Variants in PTGER3 observed in about 807,000 individuals in gnomAD.
PTGER3 encodes prostaglandin E receptor 3, also known as prostaglandin E2 receptor EP3 subtype.
PTGER3 carries 22 observed loss-of-function variants against 34.7 expected under a neutral mutation model. That is an observed-to-expected ratio of 0.63 (90% CI 0.45 to 0.91). The LOEUF is 0.91. PTGER3 is among the 40% of genes least tolerant of loss of function. PTGER3 has a pLI of 0.00. For synonymous variants in PTGER3, 241 were observed against 230.1 expected, an observed-to-expected ratio of 1.05 and a Z score of -0.43; for missense variants, 468 against 519.4, an observed-to-expected ratio of 0.90 and a Z score of 0.96.
At chr1:70,888,096 C>T (rs1175605324) in intron 4 of PTGER3, among the ~76,000 whole-genome samples, 3 of 152,172 alleles carry the variant, frequency 2.0e-5, no homozygotes, top group Non-Finnish European at 4.4e-5. Context: ...AGCAAGCTTT[C>T]TCCTGGCTTT....
intron 1 of PTGER3, among the ~76,000 whole-genome samples, chr1:71,019,297 T>C (rs1658191942): frequency 6.6e-6 from 1 of 152,190 alleles, no homozygotes; most frequent in Non-Finnish European, 1.5e-5. Context: ...ACATATACCC[T>C]GCACTATTTC....
intron 3 of PTGER3, 107 bp downstream of exon 3, chr1:70,974,190 T>C (rs1391057540): frequency 2.1e-6 from 3 of 1,438,786 alleles, no homozygotes; most frequent in Non-Finnish European, 2.8e-6. Flanking sequence ...ATGTTTAATT[T>C]GCATTTTAAT....
intron 1 of PTGER3, among the ~76,000 whole-genome samples, chr1:71,021,255 G>A (rs753454538): frequency 6.6e-5 from 10 of 152,124 alleles, no homozygotes; most frequent in East Asian, 1.9e-4. Context: ...CCAGCAGCCC[G>A]CTACCACATT....
At chr1:70,871,156 G>C (rs1311328656) in intron 4 of PTGER3, among the ~76,000 whole-genome samples, 2 of 152,130 alleles carry the variant, frequency 1.3e-5, no homozygotes, top group African/African-American at 2.4e-5. Context: ...CATGGTTCTG[G>C]CATCTGTTTG....
chr1:70,883,642 G>T (rs528352496), intron 4 of PTGER3, among the ~76,000 whole-genome samples: 2 of 152,228 alleles, frequency 1.3e-5, no homozygotes, highest in South Asian at 4.1e-4. Context: ...ATTATAAAAC[G>T]TCCAATTTTC....
At chr1:70,939,782 C>T (rs967941855) in intron 4 of PTGER3, among the ~76,000 whole-genome samples, 1 of 152,154 alleles carries the variant, frequency 6.6e-6, no homozygotes, top group African/African-American at 2.4e-5. Context: ...GGACTGTGGG[C>T]CCAGCTGATG....
chr1:70,900,642 A>T (rs138411354), intron 4 of PTGER3, among the ~76,000 whole-genome samples: 1 of 152,182 alleles, frequency 6.6e-6, no homozygotes, highest in Non-Finnish European at 1.5e-5. Context: ...AATGTAATGT[A>T]TGCAGCTTGG....
At chr1:70,934,949 T>A (rs1411635888) in intron 4 of PTGER3, among the ~76,000 whole-genome samples, 2 of 152,296 alleles carry the variant, frequency 1.3e-5, no homozygotes, top group Non-Finnish European at 2.9e-5. Context: ...TTCTAAACTT[T>A]CCCTTTTGGC....
At chr1:71,033,234 G>A (rs1432431989) in intron 1 of PTGER3, among the ~76,000 whole-genome samples, 1 of 152,146 alleles carries the variant, frequency 6.6e-6, no homozygotes, top group Non-Finnish European at 1.5e-5. Flanking sequence ...TCATAGGACA[G>A]GGATTAGAGA....
chr1:70,882,804 G>A (rs886323005), intron 4 of PTGER3, among the ~76,000 whole-genome samples: 8 of 152,126 alleles, frequency 5.3e-5, no homozygotes, highest in African/African-American at 1.9e-4. Flanking sequence ...TTCACACTAA[G>A]CCAAGATAGG....
At chr1:71,040,996 G>A (rs1163537291) in intron 1 of PTGER3, among the ~76,000 whole-genome samples, 1 of 152,162 alleles carries the variant, frequency 6.6e-6, no homozygotes, top group African/African-American at 2.4e-5. Context: ...AGAGAGCAGG[G>A]TGCAGGAATT....
At chr1:70,889,099 C>T (rs1033646368) in intron 4 of PTGER3, among the ~76,000 whole-genome samples, 4 of 152,106 alleles carry the variant, frequency 2.6e-5, no homozygotes. Context: ...TCTTTAGCGA[C>T]AGGCAAATTA....
chr1:70,860,673 TC>T (rs1403416331), intron 4 of PTGER3, among the ~76,000 whole-genome samples: 7 of 152,178 alleles, frequency 4.6e-5, no homozygotes, highest in African/African-American at 1.4e-4. Context: ...AGTCATCATT[TC>T]ACTTAAAGTT....
rs902032948 is a variant in PTGER3, at chr1:71,031,370, A to G, written c.897+15311T>C. Reference sequence around the variant, plus strand: ...TACGAATAAATTGGATAGATGGTAAAAATGAACCCCCACCTTTTATTATTA... The same window carrying G: ...TACGAATAAATTGGATAGATGGTAAGAATGAACCCCCACCTTTTATTATTA... On this transcript the variant is annotated intron_variant, in intron 1 of 3. Transcript: ENST00000306666. Among the ~76,000 whole-genome samples the G allele has an allele frequency of 5.3e-5, 8 of 152,258 alleles. No individual in the cohort carries two copies. In the East Asian group the frequency reaches 1.2e-3, roughly 22 times the overall value.
intron 1 of PTGER3, among the ~76,000 whole-genome samples, chr1:71,026,253 GTCCCTGACCTA>G (rs113461646): frequency 1.3e-5 from 2 of 152,222 alleles, no homozygotes; most frequent in African/African-American, 4.8e-5. Context: ...AATACTCACA[GTCCCTGACCTA>G]TATAAGTGCT....
chr1:71,034,178 T>C (rs1659630438), intron 1 of PTGER3, among the ~76,000 whole-genome samples: 2 of 31,068 alleles, frequency 6.4e-5, no homozygotes, highest in African/African-American at 2.2e-4. Context: ...TAAAACTCAT[T>C]TATGTGAGTT....
At chr1:70,937,854 C>T (rs116097153) in intron 4 of PTGER3, among the ~76,000 whole-genome samples, 1,918 of 151,828 alleles carry the variant, frequency 0.013, 36 homozygotes, top group African/African-American at 0.044. Flanking sequence ...GCAATTGTCT[C>T]ATTTTGCTTT....
At chr1:71,022,558 T>G (rs927397693) in intron 1 of PTGER3, among the ~76,000 whole-genome samples, 1 of 151,900 alleles carries the variant, frequency 6.6e-6, no homozygotes, top group East Asian at 1.9e-4. Context: ...TTTAAATCTA[T>G]TAAGACTTCA....
At chr1:70,998,456 C>T (rs1656175493) in intron 2 of PTGER3, 1 of 152,160 alleles carries the variant, frequency 6.6e-6, no homozygotes, top group Non-Finnish European at 1.5e-5. Context: ...AAGTGATAAA[C>T]CTCAATGTCC....
Sources: gnomAD v4.1 joint callset for allele counts (sites outside exome capture counted in the v4.1 genomes callset) on GRCh38, gnomAD v4.1.1 for gene constraint, MANE v1.5 for transcripts, NCBI Gene and HGNC (gene_info 2026-07-23, HGNC 2026-07-21) for gene names.